EMX1: variants seen among roughly 807,000 people sequenced by gnomAD.
The protein encoded by EMX1 is homeobox protein EMX1.
A neutral mutation model predicts 20.1 loss-of-function variants in EMX1; 10 were observed. That is an observed-to-expected ratio of 0.50 (90% CI 0.31 to 0.84). EMX1 has a LOEUF of 0.84. EMX1 is among the 40% of genes least tolerant of loss of function. The pLI, the probability that EMX1 is intolerant of heterozygous loss-of-function variation, is 0.05. For missense variants in EMX1, 424 were observed against 431.9 expected, an observed-to-expected ratio of 0.98 and a Z score of 0.16; for synonymous variants, 250 against 200.4, an observed-to-expected ratio of 1.25 and a Z score of -2.09.
chr2:72,926,328 G>A, intron 2 of EMX1: 1 of 975,052 alleles, frequency 1.0e-6, no homozygotes, highest in Non-Finnish European at 1.2e-6. Flanking sequence ...TTTATTATGA[G>A]ACATTTCAAA....
chr2:72,916,897 T>C, upstream of EMX1: 1 of 717,128 alleles, frequency 1.4e-6, no homozygotes, highest in South Asian at 1.5e-5. Context: ...AGCTGGAGGG[T>C]GGCAGTGGGA....
At position 72,934,575 on chromosome 2, in the gene EMX1, CT is replaced by C. The variant is rs1328845701; in HGVS notation, c.*622del. On this transcript the variant is annotated 3_prime_UTR_variant, in exon 3 of 3. Transcript: ENST00000258106. ...AGGCTAGACATAGGGAAGGGCCATC[CT>C]GTATCTTGAGGGAGGACAGGCCCAG... The C allele has an allele frequency of 6.6e-6, 1 of 152,610 alleles. No homozygotes were observed. The highest frequency in any genetic ancestry group is 1.5e-5 in the Non-Finnish European group (1 of 68,392). The allele number at this position is 152,610 out of a possible 1,614,324, so 9.5% of individuals were successfully genotyped here.
chr2:72,918,733 C>T (rs1356397232), intron 1 of EMX1, among the ~76,000 whole-genome samples: 1 of 152,258 alleles, frequency 6.6e-6, no homozygotes, highest in Non-Finnish European at 1.5e-5. Flanking sequence ...GCTCTCCCTC[C>T]GCCCGGCTTA....
At chr2:72,931,071 C>A (rs902652551) in intron 2 of EMX1, among the ~76,000 whole-genome samples, 2 of 152,192 alleles carry the variant, frequency 1.3e-5, no homozygotes, top group African/African-American at 4.8e-5. Flanking sequence ...GGCTGTTCTC[C>A]GGAAGATGGC....
chr2:72,926,197 T>C, intron 2 of EMX1: 1 of 985,432 alleles, frequency 1.0e-6, no homozygotes, highest in Non-Finnish European at 1.2e-6. Context: ...TTTTAAACTT[T>C]CAATTTTTTA....
chr2:72,925,733 G>A (rs1260066771), intron 2 of EMX1: 2 of 985,306 alleles, frequency 2.0e-6, no homozygotes, highest in East Asian at 1.1e-4. Flanking sequence ...AGGGAGCCCA[G>A]ACCCAAACTT....
At position 72,934,184 on chromosome 2, in the gene EMX1, C is replaced by T. The variant is rs940002774; in HGVS notation, c.*230C>T. ...TCCTCGGAGAGCCTGCCTGCCTGGG[C>T]GGGCCCGCCCGCCACCGCAGCCTCC... On this transcript the variant is annotated 3_prime_UTR_variant, in exon 3 of 3. Transcript: ENST00000258106. 7 of 528,800 alleles carry T rather than the reference C, an allele frequency of 1.3e-5. No individual in the cohort carries two copies. The highest frequency in any genetic ancestry group is 5.5e-5 in the South Asian group (2 of 36,552). The allele number at this position is 528,800 out of a possible 1,614,324, so 32.8% of individuals were successfully genotyped here.
rs767667532 is a variant in EMX1 at position 72,918,108 on chromosome 2, C to G, written c.256C>G (p.Pro86Ala). 327 of 1,476,198 alleles carry G rather than the reference C, an allele frequency of 2.2e-4. 9 individuals carry two copies. The South Asian group carries it at 4.1e-3, about 19-fold the overall frequency. 91.4% of individuals were successfully genotyped at this position (1,476,198 alleles called of 1,614,324 possible). ...GCTCCGGCCCACGGCGCTCAACTAC[C>G]CTCACCCCAGCGCGGCCGAGGCGGC... ...EPLRPTALNYPHPSAAEAAFV... is the reference protein window; with the variant it reads ...EPLRPTALNYAHPSAAEAAFV... Residue 86 changes from proline (P) to alanine (A), a missense_variant, in exon 1 of 3, where the codon CCT becomes GCT. Physicochemically the swap from Pro to Ala is conservative, Grantham distance 27 (BLOSUM62 -1). Transcript: ENST00000258106.
chr2:72,916,543 G>A, upstream of EMX1: 1 of 611,198 alleles, frequency 1.6e-6, no homozygotes, highest in South Asian at 1.9e-5. Context: ...CGTGAGAACT[G>A]CCCCCGGGGA....
At chr2:72,925,667 C>G in intron 2 of EMX1, 1 of 1,164,832 alleles carries the variant, frequency 8.6e-7, no homozygotes, top group South Asian at 1.6e-5. Context: ...AGATGCCCGG[C>G]ATGGGGGGCA....
Position 72,933,892 on chromosome 2 carries a change from C to T in EMX1, c.811C>T (p.Arg271Trp), listed in dbSNP as rs1037079323. ...GAAGAAGGGCTCCCATCACATCAAC[C>T]GGTGGCGCATTGCCACGAAGCAGGC... ...QKKKGSHHIN[R>W]WRIATKQANG... Residue 271 changes from arginine (R) to tryptophan (W), a missense_variant, in exon 3 of 3, where the codon CGG (arginine) becomes TGG (tryptophan). By Grantham distance (101) the Arg-to-Trp change is moderately radical. Transcript: ENST00000258106. 4.3e-6 allele frequency: 7 copies of T among 1,614,260 alleles called. No homozygotes were observed. The highest frequency in any genetic ancestry group is 2.2e-5 in the East Asian group (1 of 44,880).
In EMX1 at chr2:72,918,303, C is replaced by G; in HGVS notation, c.451C>G (p.Gln151Glu). 6.4e-7 allele frequency: 1 copy of G among 1,572,914 alleles called. No individual in the cohort carries two copies. Among genetic ancestry groups the G allele is most frequent in the Non-Finnish European group, 8.5e-7 (1 of 1,170,426 alleles). Residue 151 changes from glutamine (Q) to glutamate (E), a missense_variant, in exon 1 of 3, where the codon CAG (glutamine) becomes GAG (glutamate). This residue lies in a region of EMX1 where 333 missense variants were observed against 296.6 expected (regional missense o/e 1.12). Transcript: ENST00000258106. Reference sequence around the variant, plus strand: ...GCCCCCGCACTCCTTCTTCGGCGCCCAGCACCGGGACCCTCTCCATTTCTA... The same window carrying G: ...GCCCCCGCACTCCTTCTTCGGCGCCGAGCACCGGGACCCTCTCCATTTCTA... ...LQPPHSFFGA[Q>E]HRDPLHFYPW...
intron 2 of EMX1, among the ~76,000 whole-genome samples, chr2:72,928,317 AG>A (rs1671235797): frequency 6.6e-6 from 1 of 152,202 alleles, no homozygotes; most frequent in Non-Finnish European, 1.5e-5. Context: ...GTCATTGCAG[AG>A]GCTCAAGTTT....
intron 2 of EMX1, chr2:72,933,009 T>C (rs1671309229): frequency 6.6e-6 from 1 of 152,138 alleles, no homozygotes; most frequent in Non-Finnish European, 1.5e-5. Context: ...GAGAATGAGG[T>C]CTCACTGGTG....
At chr2:72,916,838 G>A (rs1370632210), upstream of EMX1, 2 of 717,082 alleles carry the variant, frequency 2.8e-6, no homozygotes, top group East Asian at 2.7e-5. Flanking sequence ...GGTCCAAGCC[G>A]GTCGCGGCAC....
intron 1 of EMX1, 72 bp from the exon 2 acceptor site, chr2:72,924,237 T>C (rs1412402038): frequency 3.3e-6 from 5 of 1,524,686 alleles, no homozygotes; most frequent in African/African-American, 2.7e-5. Context: ...CAGGCTCTGT[T>C]GGGCCCCGGC....
At chr2:72,919,468 G>T (rs912269243) in intron 1 of EMX1, among the ~76,000 whole-genome samples, 1 of 152,212 alleles carries the variant, frequency 6.6e-6, no homozygotes, top group African/African-American at 2.4e-5. Flanking sequence ...AGAAACAAAT[G>T]AAAGGGACAT....
At position 72,933,860 on chromosome 2, in the gene EMX1, A is replaced by C; in HGVS notation, c.779A>C (p.Glu260Ala). ...CTGGAGGAGGAAGGGCCTGAGTCCG[A>C]GCAGAAGAAGAAGGGCTCCCATCAC... ...QKLEEEGPESEQKKKGSHHIN... is the reference protein window; with the variant it reads ...QKLEEEGPESAQKKKGSHHIN... Residue 260 changes from glutamate to alanine, a missense_variant, in exon 3 of 3, where the codon GAG (glutamate) becomes GCG (alanine). Glu to Ala is a moderately radical substitution (Grantham distance 107, BLOSUM62 -1). This residue lies in a region of EMX1 where 91 missense variants were observed against 135.2 expected (regional missense o/e 0.67). Transcript: ENST00000258106. 1 of 1,614,238 alleles carries C rather than the reference A, an allele frequency of 6.2e-7. No individual in the cohort carries two copies. The highest frequency in any genetic ancestry group is 8.5e-7 in the Non-Finnish European group (1 of 1,180,028).
intron 2 of EMX1, chr2:72,926,439 G>C: frequency 2.3e-6 from 1 of 436,914 alleles, no homozygotes; most frequent in South Asian, 9.7e-5. Flanking sequence ...TAAATGAGCT[G>C]CTTTTTGCAT....
Sources: allele counts gnomAD v4.1 joint callset (sites outside exome capture counted in the v4.1 genomes callset), GRCh38; gene constraint gnomAD v4.1.1; regional missense constraint gnomAD v4.1.1; transcripts MANE v1.5; gene names NCBI Gene and HGNC (gene_info 2026-07-23, HGNC 2026-07-21).